GPC5: variants seen among roughly 807,000 people sequenced by gnomAD.
GPC5 encodes the protein glypican-5.
GPC5 carries 47 observed loss-of-function variants against 53.9 expected under a neutral mutation model. The observed-to-expected ratio is 0.87, with a 90% confidence interval of 0.69 to 1.11. The LOEUF (loss-of-function observed/expected upper bound fraction) is 1.11, where lower values mean the gene tolerates loss of function less well. Ranked by LOEUF, GPC5 falls within the 50% of genes most tolerant of loss-of-function variation. The pLI, the probability that GPC5 is intolerant of heterozygous loss-of-function variation, is 0.00. For missense variants in GPC5, 748 were observed against 713.1 expected, an observed-to-expected ratio of 1.05 and a Z score of -0.56; for synonymous variants, 286 against 263.3, an observed-to-expected ratio of 1.09 and a Z score of -0.84.
At chr13:91,487,615 C>A (rs1346361919) in intron 2 of GPC5, among the ~76,000 whole-genome samples, 1 of 152,118 alleles carries the variant, frequency 6.6e-6, no homozygotes, top group Non-Finnish European at 1.5e-5. Flanking sequence ...GGGTGAAATT[C>A]TCTGGGAGCC....
At chr13:92,761,517 A>G (rs1461123845) in intron 7 of GPC5, among the ~76,000 whole-genome samples, 1 of 152,074 alleles carries the variant, frequency 6.6e-6, no homozygotes, top group Non-Finnish European at 1.5e-5. Context: ...AGTCTATTTT[A>G]TTTGATATAA....
intron 2 of GPC5, among the ~76,000 whole-genome samples, chr13:91,493,789 A>G (rs571788302): frequency 2.6e-5 from 4 of 152,220 alleles, no homozygotes; most frequent in South Asian, 4.1e-4. Flanking sequence ...CCTATTTTAC[A>G]TAGAGAATAA....
intron 7 of GPC5, among the ~76,000 whole-genome samples, chr13:92,636,824 C>T (rs1885419708): frequency 1.3e-5 from 2 of 152,126 alleles, no homozygotes; most frequent in Admixed American, 1.3e-4. Context: ...TTGGATATCT[C>T]ACGTGCATCT....
intron 7 of GPC5, among the ~76,000 whole-genome samples, chr13:92,786,855 G>A (rs911629972): frequency 2.6e-5 from 4 of 152,030 alleles, no homozygotes; most frequent in Admixed American, 6.6e-5. Context: ...AAAGGCCCCC[G>A]GACATGGAGA....
At chr13:92,320,166 C>T (rs1399996219) in intron 7 of GPC5, among the ~76,000 whole-genome samples, 1 of 152,056 alleles carries the variant, frequency 6.6e-6, no homozygotes, top group Non-Finnish European at 1.5e-5. Context: ...TTTTCTTTTG[C>T]TATGGCTCTA....
At chr13:91,598,994 A>G (rs928553845) in intron 2 of GPC5, among the ~76,000 whole-genome samples, 1 of 152,150 alleles carries the variant, frequency 6.6e-6, no homozygotes, top group Admixed American at 6.5e-5. Flanking sequence ...GAAGTTCTAC[A>G]AGTGCCAAAG....
At chr13:92,021,435 G>A (rs1271234467) in intron 6 of GPC5, among the ~76,000 whole-genome samples, 5 of 152,122 alleles carry the variant, frequency 3.3e-5, no homozygotes, top group Admixed American at 3.3e-4. Context: ...CAAAAGCATG[G>A]GGTGAAAGAG....
intron 2 of GPC5, among the ~76,000 whole-genome samples, chr13:91,632,356 G>A (rs2034179340): frequency 6.6e-6 from 1 of 152,104 alleles, no homozygotes; most frequent in Non-Finnish European, 1.5e-5. Flanking sequence ...AGGGACATGA[G>A]CAAGAAAGAC....
chr13:91,509,517 T>C (rs1317214192), intron 2 of GPC5, among the ~76,000 whole-genome samples: 1 of 151,552 alleles, frequency 6.6e-6, no homozygotes, highest in Non-Finnish European at 1.5e-5. Flanking sequence ...TCATGAAAAG[T>C]TGATGTGATT....
chr13:91,959,384 A>G lies in GPC5; in HGVS notation c.1401+51327A>G, dbSNP rs9670871. ...CTGAACAGACTAATAATGAGTGATG[A>G]GACTCAGTCAGGAGTAAGAAGCCTC... On this transcript the variant is annotated intron_variant, in intron 6 of 7. Coordinates refer to ENST00000377067, the MANE Select transcript of GPC5 (RefSeq NM_004466.6). 7.1e-3 allele frequency among the ~76,000 whole-genome samples: 1,082 copies of G among 152,142 alleles called. 21 individuals carry two copies. Among genetic ancestry groups the G allele is most frequent in the African/African-American group, 0.025 (1,049 of 41,542 alleles).
chr13:91,554,361 A>G (rs1157681749), intron 2 of GPC5, among the ~76,000 whole-genome samples: 2 of 151,948 alleles, frequency 1.3e-5, no homozygotes, highest in Non-Finnish European at 2.9e-5. Context: ...AGGCACATAT[A>G]TGTACACAGA....
chr13:92,188,528 A>T (rs2042200123), intron 7 of GPC5, among the ~76,000 whole-genome samples: 1 of 152,122 alleles, frequency 6.6e-6, no homozygotes, highest in African/African-American at 2.4e-5. Context: ...CTATTCACTA[A>T]ATCCATGACA....
At chr13:92,628,362 G>A (rs1289547538) in intron 7 of GPC5, among the ~76,000 whole-genome samples, 4 of 131,308 alleles carry the variant, frequency 3.0e-5, no homozygotes, top group South Asian at 2.7e-4. Flanking sequence ...TGCAACCTCC[G>A]CCTCCCGGGC....
At chr13:92,800,442 C>A (rs985868080) in intron 7 of GPC5, among the ~76,000 whole-genome samples, 43 of 151,806 alleles carry the variant, frequency 2.8e-4, no homozygotes, top group African/African-American at 1.0e-3. Flanking sequence ...CATGTCCCAG[C>A]AATTCATAAA....
In GPC5 at chr13:92,026,673, A is replaced by C. The variant is rs540782005; in HGVS notation, c.1402-118157A>C. On this transcript the variant is annotated intron_variant, in intron 6 of 7. Coordinates refer to ENST00000377067, the MANE Select transcript of GPC5 (RefSeq NM_004466.6). ...GTTGCCAGTCATAAGATCTAGTGAG[A>C]ATATGTTGTTAAAAAAGTCTTTGCT... Among the ~76,000 whole-genome samples the C allele has an allele frequency of 1.3e-4, 20 of 152,194 alleles. 1 individual carries two copies. Among genetic ancestry groups the C allele is most frequent in the African/African-American group, 4.8e-4 (20 of 41,558 alleles).
At chr13:92,486,378 G>A (rs1879555152) in intron 7 of GPC5, among the ~76,000 whole-genome samples, 1 of 152,040 alleles carries the variant, frequency 6.6e-6, no homozygotes, top group Non-Finnish European at 1.5e-5. Context: ...ATTATATGTG[G>A]TATAATAATA....
chr13:92,524,019 G>A (rs538173110), intron 7 of GPC5, among the ~76,000 whole-genome samples: 3 of 152,194 alleles, frequency 2.0e-5, no homozygotes, highest in Admixed American at 6.6e-5. Context: ...AATGTTGATA[G>A]CTGCCTACTG....
chr13:92,660,462 TATAA>T (rs942537413), intron 7 of GPC5, among the ~76,000 whole-genome samples: 3 of 151,204 alleles, frequency 2.0e-5, no homozygotes, highest in Non-Finnish European at 2.9e-5. Context: ...CATGTATATA[TATAA>T]ATATATACAC....
At chr13:91,506,578 G>C (rs566981406) in intron 2 of GPC5, among the ~76,000 whole-genome samples, 115 of 152,168 alleles carry the variant, frequency 7.6e-4, no homozygotes, top group Non-Finnish European at 1.5e-3. Context: ...GGATAATACA[G>C]AGACAAAGTA....
Sources: allele counts gnomAD v4.1 joint callset (sites outside exome capture counted in the v4.1 genomes callset), GRCh38; gene constraint gnomAD v4.1.1; transcripts MANE v1.5; gene names NCBI Gene and HGNC (gene_info 2026-07-23, HGNC 2026-07-21).